Variants in ATP2B2 observed in about 807,000 individuals in gnomAD.
The protein encoded by ATP2B2 is ATPase plasma membrane Ca2+ transporting 2, also known as plasma membrane calcium-transporting ATPase 2.
ATP2B2 carries 15 observed loss-of-function variants against 120.0 expected under a neutral mutation model. That is an observed-to-expected ratio of 0.12 (90% CI 0.08 to 0.19). The LOEUF is 0.19. Ranked by LOEUF, ATP2B2 falls within the 10% of genes least tolerant of loss-of-function variation. The pLI is 1.00. For synonymous variants in ATP2B2, 694 were observed against 700.3 expected (o/e 0.99, Z 0.14); for missense variants, 1,045 against 1,719.8 (o/e 0.61, Z 6.94).
intron 2 of ATP2B2, among the ~76,000 whole-genome samples, chr3:10,585,128 C>A (rs960373203): frequency 3.9e-5 from 6 of 152,106 alleles, no homozygotes; most frequent in Admixed American, 2.0e-4. Context: ...CACAGAGCAG[C>A]CAGATGGATC....
intron 1 of ATP2B2, among the ~76,000 whole-genome samples, chr3:10,656,818 A>G (rs575477148): frequency 2.2e-4 from 33 of 152,352 alleles, no homozygotes; most frequent in Non-Finnish European, 4.0e-4. Flanking sequence ...CTCAAGGACA[A>G]GAAGAAGCCA....
At chr3:10,457,558 G>A (rs760875446) in intron 1 of ATP2B2, among the ~76,000 whole-genome samples, 95 of 34,076 alleles carry the variant, frequency 2.8e-3, no homozygotes, top group African/African-American at 0.011. Flanking sequence ...ATGAGTGTGC[G>A]TGTGTGTGTG....
At chr3:10,442,938 GTTAGA>G (rs1245828339) in intron 2 of ATP2B2, among the ~76,000 whole-genome samples, 2 of 152,230 alleles carry the variant, frequency 1.3e-5, no homozygotes, top group Non-Finnish European at 2.9e-5. Flanking sequence ...CTGAGGCACA[GTTAGA>G]TAACTGGTCC....
intron 3 of ATP2B2, among the ~76,000 whole-genome samples, chr3:10,409,713 A>C (rs1422432985): frequency 3.3e-5 from 5 of 152,330 alleles, no homozygotes; most frequent in African/African-American, 1.2e-4. Context: ...GGGCAGGACA[A>C]CAGATATTCA....
At chr3:10,357,745 C>T (rs527584402) in intron 14 of ATP2B2, among the ~76,000 whole-genome samples, 4 of 152,304 alleles carry the variant, frequency 2.6e-5, no homozygotes, top group Middle Eastern at 3.4e-3. Flanking sequence ...GGAAGCCAGC[C>T]CCTCCTGCAC....
chr3:10,399,373 A>G (rs973209638), intron 5 of ATP2B2, among the ~76,000 whole-genome samples: 2 of 151,998 alleles, frequency 1.3e-5, no homozygotes, highest in African/African-American at 4.8e-5. Flanking sequence ...TTTTCTTCTC[A>G]CTGTTCTGAT....
chr3:10,562,527 T>C (rs554232123), intron 2 of ATP2B2, among the ~76,000 whole-genome samples: 35 of 152,260 alleles, frequency 2.3e-4, no homozygotes, highest in Admixed American at 2.0e-3. Context: ...AGCAGCTGGA[T>C]ATCTGATTCC....
At chr3:10,666,497 A>G (rs892604) in intron 1 of ATP2B2, among the ~76,000 whole-genome samples, 117,703 of 152,180 alleles carry the variant, frequency 0.77, 45,996 homozygotes, top group African/African-American at 0.9. Context: ...ACCAATGCCC[A>G]ACCAATCCCT....
Position 10,329,754 on chromosome 3 carries a change from G to T in ATP2B2, c.3421-629C>A, listed in dbSNP as rs1255952852. Among the ~76,000 whole-genome samples the T allele has an allele frequency of 6.6e-6, 1 of 152,166 alleles. No individual in the cohort carries two copies. Among genetic ancestry groups the T allele is most frequent in the Non-Finnish European group, 1.5e-5 (1 of 68,024 alleles). ...CAAAGCCAACCCAGGGCTTTCTGAG[G>T]TGCAGAGCAGAGGCAGCCAGAAAGC... On this transcript the variant is annotated intron_variant, in intron 22 of 22. Transcript: ENST00000360273. The surrounding 1 kb of genome is among the most constrained non-coding windows in gnomAD (Gnocchi z 5.9).
chr3:10,519,561 G>A (rs2066942248), intron 3 of ATP2B2, among the ~76,000 whole-genome samples: 1 of 152,158 alleles, frequency 6.6e-6, no homozygotes, highest in African/African-American at 2.4e-5. Context: ...GGAGAACTCA[G>A]TTCCTGTGTC....
At chr3:10,480,755 G>A (rs1349745154) in intron 1 of ATP2B2, among the ~76,000 whole-genome samples, 3 of 152,102 alleles carry the variant, frequency 2.0e-5, no homozygotes, top group African/African-American at 4.8e-5. Context: ...TAGCCTCCTC[G>A]CCAAGCCCTT....
chr3:10,504,568 C>G (rs558880779), intron 1 of ATP2B2, among the ~76,000 whole-genome samples: 1 of 151,572 alleles, frequency 6.6e-6, no homozygotes, highest in African/African-American at 2.4e-5. Flanking sequence ...GAGCACCCCC[C>G]CAACCCCCAA....
At chr3:10,656,558 C>A (rs1221271535) in intron 1 of ATP2B2, among the ~76,000 whole-genome samples, 1 of 152,194 alleles carries the variant, frequency 6.6e-6, no homozygotes, top group Non-Finnish European at 1.5e-5. Context: ...TCCGCACACA[C>A]CAGTCAAATG....
chr3:10,609,245 C>T lies in ATP2B2; in HGVS notation c.-415+10672G>A, dbSNP rs79345008. Among the ~76,000 whole-genome samples the T allele has an allele frequency of 6.3e-3, 956 of 151,734 alleles. 10 individuals carry two copies. The highest frequency in any genetic ancestry group is 0.022 in the African/African-American group (897 of 41,500). Reference sequence around the variant, plus strand: ...AACCCAGGAGCAGGCCTCTCCTGTGCCCTGGGCTCTGGGACTCTGGGCTGA... The same window carrying T: ...AACCCAGGAGCAGGCCTCTCCTGTGTCCTGGGCTCTGGGACTCTGGGCTGA... On this transcript the variant is annotated intron_variant, in intron 2 of 21. Transcript: ENST00000646379.
intron 22 of ATP2B2, among the ~76,000 whole-genome samples, chr3:10,333,923 C>T (rs1409485076): frequency 6.6e-6 from 1 of 152,116 alleles, no homozygotes; most frequent in Non-Finnish European, 1.5e-5. Context: ...GATCTGGCCT[C>T]GAAGGAGGTC....
At chr3:10,571,889 T>C (rs1030113113) in intron 2 of ATP2B2, among the ~76,000 whole-genome samples, 3 of 152,206 alleles carry the variant, frequency 2.0e-5, no homozygotes, top group African/African-American at 4.8e-5. Context: ...GATTGTGCAA[T>C]TGGCTCCCAT....
chr3:10,471,364 C>CTGAGTGTGG (rs1221371075), intron 1 of ATP2B2, among the ~76,000 whole-genome samples: 2 of 150,358 alleles, frequency 1.3e-5, no homozygotes, highest in African/African-American at 2.4e-5. Context: ...TTCAGGAAAC[C>CTGAGTGTGG]TGTGTGTGTG....
At chr3:10,605,653 G>GT (rs5846675) in intron 2 of ATP2B2, among the ~76,000 whole-genome samples, 122,111 of 147,068 alleles carry the variant, frequency 0.83, 50,768 homozygotes, top group Middle Eastern at 0.93. Context: ...TATCTTTACA[G>GT]TTTTTTTTTT....
chr3:10,358,656 C>T, intron 14 of ATP2B2, 35 bp downstream of exon 14: 1 of 1,610,532 alleles, frequency 6.2e-7, no homozygotes, highest in South Asian at 1.1e-5. Flanking sequence ...CCAGCCTCAT[C>T]CCCTTTCCCT....
Sources: gnomAD v4.1 joint callset for allele counts (sites outside exome capture counted in the v4.1 genomes callset) on GRCh38, gnomAD v4.1.1 for gene constraint, Gnocchi (gnomAD v3.1) non-coding constraint, MANE v1.5 for transcripts, NCBI Gene and HGNC (gene_info 2026-07-23, HGNC 2026-07-21) for gene names.